FLT1: variants seen among roughly 807,000 people sequenced by gnomAD.
The protein encoded by FLT1 is fms related receptor tyrosine kinase 1, also known as vascular endothelial growth factor receptor 1.
Under a neutral mutation model 156.3 loss-of-function variants are expected in FLT1, and 49 were observed. The observed-to-expected ratio is 0.31, with a 90% confidence interval of 0.25 to 0.40. The LOEUF is 0.40. Among genes scored for constraint, FLT1 ranks in the 10% least tolerant of loss-of-function variants. The pLI is 1.00. For synonymous variants in FLT1, 594 were observed against 583.8 expected (o/e 1.02, Z -0.25); for missense variants, 1,322 against 1,637.2 (o/e 0.81, Z 3.32).
rs115595062 is a variant in FLT1 at position 28,308,865 on chromosome 13, G to A, written c.3698C>T (p.Pro1233Leu). 4.7e-5 allele frequency: 76 copies of A among 1,612,104 alleles called. No homozygotes were observed. The African/African-American group carries it at 8.0e-4, about 17-fold the overall frequency. Reference sequence around the variant, plus strand: ...TACATCAAACATGGAGGTGGCATTCGGTAAAAGTTCTTCAAAGGTTTTGAT... The same window carrying A: ...TACATCAAACATGGAGGTGGCATTCAGTAAAAGTTCTTCAAAGGTTTTGAT... ...ERIKTFEELL[P>L]NATSMFDDYQ... Residue 1233 changes from proline (P) to leucine (L), a missense_variant, in exon 28 of 30, where the codon CCG (proline) becomes CTG (leucine). Coordinates refer to ENST00000282397, the MANE Select transcript of FLT1 (RefSeq NM_002019.4).
intron 1 of FLT1, among the ~76,000 whole-genome samples, chr13:28,479,268 A>G (rs1374215463): frequency 2.0e-5 from 3 of 152,220 alleles, no homozygotes; most frequent in Non-Finnish European, 2.9e-5. Flanking sequence ...AAGACTCATT[A>G]AACACATTCT....
At position 28,325,128 on chromosome 13, in the gene FLT1, A is replaced by T. The variant is rs139231946; in HGVS notation, c.2797-2182T>A. Among the ~76,000 whole-genome samples the T allele has an allele frequency of 1.7e-4, 26 of 152,318 alleles. No homozygotes were observed. The East Asian group carries it at 5.0e-3, about 29-fold the overall frequency. On this transcript the variant is annotated intron_variant, in intron 20 of 29. Transcript: ENST00000282397. ...CTAAGCTCCACCAAGTTGCACAGGG[A>T]GGCAAATCATTAAATATAGCCAGAG...
In FLT1 at chr13:28,390,005, A is replaced by G; in HGVS notation, c.1760T>C (p.Val587Ala). 6.2e-7 allele frequency: 1 copy of G among 1,614,144 alleles called. No individual in the cohort carries two copies. The highest frequency in any genetic ancestry group is 2.2e-5 in the East Asian group (1 of 44,884). ...AACTGTCCGCAGTAAAATCCAAGTAACGTCTCTGTATAAGAACTTGTTAAC... is the reference window on the plus strand; with the variant it reads ...AACTGTCCGCAGTAAAATCCAAGTAGCGTCTCTGTATAAGAACTTGTTAAC... The part of the protein sequence containing the change: ...CTVNKFLYRD[V>A]TWILLRTVNN... Residue 587 changes from valine to alanine, a missense_variant, in exon 13 of 30, where the codon GTT becomes GCT. Coordinates refer to ENST00000282397, the MANE Select transcript of FLT1 (RefSeq NM_002019.4).
At chr13:28,317,045 C>T (rs777260825) in intron 25 of FLT1, among the ~76,000 whole-genome samples, 2 of 152,226 alleles carry the variant, frequency 1.3e-5, no homozygotes, top group Non-Finnish European at 2.9e-5. Flanking sequence ...ACCACATCAA[C>T]CCCCTCACGG....
At chr13:28,343,841 A>G (rs564163882) in intron 16 of FLT1, among the ~76,000 whole-genome samples, 58 of 151,406 alleles carry the variant, frequency 3.8e-4, no homozygotes, top group African/African-American at 1.4e-3. Context: ...ACGGGGTTTC[A>G]TCCTGTTAGC....
chr13:28,404,880 T>C (rs1433443826), intron 11 of FLT1, among the ~76,000 whole-genome samples: 2 of 151,554 alleles, frequency 1.3e-5, no homozygotes, highest in Non-Finnish European at 2.9e-5. Context: ...ATTAGCCAGG[T>C]GTGATGGCAG....
chr13:28,396,576 C>T (rs1262035993), intron 12 of FLT1, among the ~76,000 whole-genome samples: 1 of 152,032 alleles, frequency 6.6e-6, no homozygotes, highest in Non-Finnish European at 1.5e-5. Flanking sequence ...TTGGTTAAAA[C>T]AAAAACAAAA....
At chr13:28,367,849 G>A (rs534677078) in intron 14 of FLT1, among the ~76,000 whole-genome samples, 5 of 152,176 alleles carry the variant, frequency 3.3e-5, no homozygotes, top group East Asian at 3.9e-4. Flanking sequence ...ACTAATATTC[G>A]TCATCAAAAC....
chr13:28,432,605 T>C (rs1877763259), intron 6 of FLT1, among the ~76,000 whole-genome samples: 1 of 152,236 alleles, frequency 6.6e-6, no homozygotes, highest in Non-Finnish European at 1.5e-5. Context: ...AAAAATTCAT[T>C]TCCTCAGTCA....
intron 14 of FLT1, among the ~76,000 whole-genome samples, chr13:28,367,704 C>G (rs139453084): frequency 6.6e-6 from 1 of 151,800 alleles, no homozygotes; most frequent in Non-Finnish European, 1.5e-5. Context: ...GCCTCCTGTT[C>G]CCCCCCACAC....
chr13:28,372,438 G>GA (rs1555232421), intron 14 of FLT1, among the ~76,000 whole-genome samples: 2 of 150,332 alleles, frequency 1.3e-5, no homozygotes, highest in African/African-American at 4.9e-5. Flanking sequence ...TTAAAAAATG[G>GA]AAAAAACATT....
chr13:28,486,745 C>G (rs1881191369), intron 1 of FLT1, among the ~76,000 whole-genome samples: 1 of 152,228 alleles, frequency 6.6e-6, no homozygotes, highest in African/African-American at 2.4e-5. Context: ...AGTATTCTTT[C>G]TTGCACACTC....
intron 27 of FLT1, among the ~76,000 whole-genome samples, chr13:28,309,884 CT>C (rs60568918): frequency 2.4e-4 from 22 of 90,882 alleles, no homozygotes; most frequent in African/African-American, 5.5e-4. Context: ...TTCTTTTTTC[CT>C]TTTTTTTTTT....
intron 1 of FLT1, among the ~76,000 whole-genome samples, chr13:28,476,956 A>G (rs1880585455): frequency 6.6e-6 from 1 of 152,230 alleles, no homozygotes; most frequent in Non-Finnish European, 1.5e-5. Context: ...AAGTGGCCAA[A>G]GTCTAAAATC....
At position 28,390,119 on chromosome 13, in the gene FLT1, T is replaced by A. The variant is rs752741868; in HGVS notation, c.1661-15A>T. 1 of 1,609,948 alleles carries A rather than the reference T, an allele frequency of 6.2e-7. No homozygotes were observed. On this transcript the variant is annotated splice_polypyrimidine_tract_variant and intron_variant, in intron 12 of 29. Transcript: ENST00000282397. ...ATTTGGCACATCTATAAAATAAGAA[T>A]AAAGAACTTCAGTTCACAGAAAAAT...
At chr13:28,343,039 C>T (rs1593695204) in intron 16 of FLT1, among the ~76,000 whole-genome samples, 1 of 152,058 alleles carries the variant, frequency 6.6e-6, no homozygotes, top group South Asian at 2.1e-4. Context: ...AATGCAGTGG[C>T]ATGATCTCAA....
intron 15 of FLT1, among the ~76,000 whole-genome samples, chr13:28,348,589 A>G (rs957729175): frequency 6.6e-6 from 1 of 151,624 alleles, no homozygotes; most frequent in Non-Finnish European, 1.5e-5. Context: ...TGCTTTACCT[A>G]CCTCTAAAGA....
At chr13:28,335,948 G>A (rs150793318) in intron 17 of FLT1, among the ~76,000 whole-genome samples, 290 of 152,282 alleles carry the variant, frequency 1.9e-3, no homozygotes, top group Non-Finnish European at 3.4e-3. Context: ...AGTAAAAACT[G>A]GTGCATTTTG....
At chr13:28,443,583 G>A (rs541051807) in intron 3 of FLT1, among the ~76,000 whole-genome samples, 1 of 152,116 alleles carries the variant, frequency 6.6e-6, no homozygotes, top group East Asian at 1.9e-4. Flanking sequence ...TTTTTATCCT[G>A]GTCATGAGGA....
Sources: gnomAD v4.1 joint callset for allele counts (sites outside exome capture counted in the v4.1 genomes callset) on GRCh38, gnomAD v4.1.1 for gene constraint, MANE v1.5 for transcripts, NCBI Gene and HGNC (gene_info 2026-07-23, HGNC 2026-07-21) for gene names.